Variants in MT1E observed in about 807,000 individuals in gnomAD.
The protein encoded by MT1E is metallothionein-1E.
Under a neutral mutation model 2.4 loss-of-function variants are expected in MT1E, and 1 was observed. That is an observed-to-expected ratio of 0.41 (90% CI 0.15 to 1.97). The LOEUF (loss-of-function observed/expected upper bound fraction) is 1.97, where lower values mean the gene tolerates loss of function less well. Ranked by LOEUF, MT1E falls within the 30% of genes most tolerant of loss-of-function variation. The probability of loss-of-function intolerance (pLI) is 0.30; values close to 1 mark genes in which losing one functional copy is unlikely to be tolerated. For missense variants in MT1E, 145 were observed against 149.6 expected (o/e 0.97, Z 0.16); for synonymous variants, 78 against 63.0 (o/e 1.24, Z -1.13).
At chr16:56,626,242 T>A (rs1418926073) in intron 1 of MT1E, among the ~76,000 whole-genome samples, 4 of 152,052 alleles carry the variant, frequency 2.6e-5, no homozygotes, top group Non-Finnish European at 4.4e-5. Flanking sequence ...TATTCCTGGG[T>A]TGTATGTGCA....
rs1184005306 is a variant in MT1E at position 56,626,570 on chromosome 16, C to T, written c.133C>T (p.Leu45Phe). The change falls in exon 2 of 2, where the codon CTC (leucine) becomes TTC (phenylalanine). Residue 45 changes from leucine to phenylalanine, a missense_variant. Physicochemically the swap from Leu to Phe is conservative, Grantham distance 22. Transcript: ENST00000330439. ...CATCTCCAGGAATCTGGGGCTGTGG[C>T]TCAGGTTGGGAGGGAACTCAAGGCT... ...GAISRNLGLWLRLGGNSRLAL... is the reference protein window; with the variant it reads ...GAISRNLGLWFRLGGNSRLAL... 4.3e-6 allele frequency: 7 copies of T among 1,614,216 alleles called. No homozygotes were observed. The highest frequency in any genetic ancestry group is 1.3e-5 in the African/African-American group (1 of 75,054).
At chr16:56,625,928 A>G (rs745515706) in intron 1 of MT1E, 49 bp downstream of exon 1, 2 of 1,611,652 alleles carry the variant, frequency 1.2e-6, no homozygotes, top group Non-Finnish European at 1.7e-6. Flanking sequence ...GCCCTATTAC[A>G]GAGGGTCTCT....
rs1960223884 is a variant in MT1E, at chr16:56,627,070, A to G, written c.*249A>G. Reference sequence around the variant, plus strand: ...TGAGCCATTTGCTGCATTTCTTTTTATACTAAATATGTGACTGACAATAAA... The same window carrying G: ...TGAGCCATTTGCTGCATTTCTTTTTGTACTAAATATGTGACTGACAATAAA... On this transcript the variant is annotated 3_prime_UTR_variant, in exon 2 of 2. Coordinates refer to ENST00000330439, the MANE Select transcript of MT1E (RefSeq NM_001363555.2). 1.4e-6 allele frequency: 2 copies of G among 1,452,856 alleles called. No individual in the cohort carries two copies. Among genetic ancestry groups the G allele is most frequent in the Non-Finnish European group, 9.4e-7 (1 of 1,063,370 alleles). 90.0% of individuals were successfully genotyped at this position (1,452,856 alleles called of 1,614,324 possible). A position where few individuals can be genotyped will look rare whatever the true frequency, so the allele number is the denominator to read the frequency against.
chr16:56,626,096 A>G (rs931376416), intron 1 of MT1E, among the ~76,000 whole-genome samples: 1 of 152,086 alleles, frequency 6.6e-6, no homozygotes, highest in Non-Finnish European at 1.5e-5. Flanking sequence ...ACTGCTCCAC[A>G]TCACCCAGTT....
At chr16:56,626,028 A>G in intron 1 of MT1E, 149 bp downstream of exon 1, 2 of 944,854 alleles carry the variant, frequency 2.1e-6, no homozygotes. Flanking sequence ...CCCTGAGAGC[A>G]TTGCCCTCAT....
In MT1E at chr16:56,626,726, A is replaced by G; in HGVS notation, c.289A>G (p.Asn97Asp). ...ATTTTTCTCGTGGGACACAAACCCC[A>G]ACTGTACCCCCTATGGTTTCAGAAC... ...TAFFSWDTNP[N>D]CTPYGFRTEL... Residue 97 changes from asparagine (N) to aspartate (D), a missense_variant, in exon 2 of 2, where the codon AAC (asparagine) becomes GAC (aspartate). By Grantham distance (23) the Asn-to-Asp change is conservative. Coordinates refer to ENST00000330439, the MANE Select transcript of MT1E (RefSeq NM_001363555.2). The G allele has an allele frequency of 6.3e-7, 1 of 1,599,270 alleles. No homozygotes were observed. Among genetic ancestry groups the G allele is most frequent in the Non-Finnish European group, 8.5e-7 (1 of 1,173,130 alleles).
intron 1 of MT1E, 77 bp from the exon 2 acceptor site, chr16:56,626,389 C>T: frequency 1.2e-6 from 2 of 1,604,624 alleles, no homozygotes; most frequent in Non-Finnish European, 1.7e-6. Flanking sequence ...GAGGAGGGGG[C>T]ACTGGAGACT....
chr16:56,626,012 T>G, intron 1 of MT1E, 133 bp downstream of exon 1: 2 of 1,080,018 alleles, frequency 1.9e-6, no homozygotes, highest in South Asian at 1.3e-5. Context: ...TTCTTCCTGA[T>G]CACGCCCCTG....
chr16:56,625,991 C>A, intron 1 of MT1E, 112 bp downstream of exon 1: 2 of 1,236,372 alleles, frequency 1.6e-6, no homozygotes, highest in Non-Finnish European at 2.4e-6. Context: ...TCCAGTACTT[C>A]GTTAGATGCT....
rs568584689 is a variant in MT1E, at chr16:56,626,610, C to T, written c.173C>T (p.Ser58Phe). The T allele has an allele frequency of 2.6e-5, 42 of 1,614,034 alleles. No homozygotes were observed. In the South Asian group the frequency reaches 4.3e-4, roughly 16 times the overall value. Residue 58 changes from serine (S) to phenylalanine (F), a missense_variant, in exon 2 of 2, where the codon TCC becomes TTC. By Grantham distance (155) the Ser-to-Phe change is radical (BLOSUM62 -2). Coordinates refer to ENST00000330439, the MANE Select transcript of MT1E (RefSeq NM_001363555.2). ...AACTCAAGGCTGGCCCTGAGTGCAT[C>T]CTTCTGGGGAACTGGGCTTTCTTTG... ...GGNSRLALSA[S>F]FWGTGLSLPS...
chr16:56,625,992 G>C lies in MT1E; in HGVS notation c.28+113G>C. 4 of 1,237,106 alleles carry C rather than the reference G, an allele frequency of 3.2e-6. No individual in the cohort carries two copies. In the South Asian group the frequency reaches 3.7e-5, roughly 11 times the overall value. 76.6% of individuals were successfully genotyped at this position (1,237,106 alleles called of 1,614,324 possible). A position where few individuals can be genotyped will look rare whatever the true frequency, so the allele number is the denominator to read the frequency against. ...TGAGCGACGGGGACTCCAGTACTTC[G>C]TTAGATGCTTTCTTCCTGATCACGC... On this transcript the variant is annotated intron_variant, in intron 1 of 1. Coordinates refer to ENST00000330439, the MANE Select transcript of MT1E (RefSeq NM_001363555.2).
In MT1E at chr16:56,627,020, C is replaced by T; in HGVS notation, c.*199C>T. 6.2e-7 allele frequency: 1 copy of T among 1,603,480 alleles called. No individual in the cohort carries two copies. Among genetic ancestry groups the T allele is most frequent in the Non-Finnish European group, 8.5e-7 (1 of 1,174,520 alleles). On this transcript the variant is annotated 3_prime_UTR_variant, in exon 2 of 2. Transcript: ENST00000330439. ...ATGTAAATAGAACAACCTGCACAAC[C>T]TGGATTTTTTTAAAAATACAACACT...
rs775364609 is a variant in MT1E at position 56,626,656 on chromosome 16, C to T, written c.219C>T (p.Phe73=). ...CTTTGCCCTCATTGCCCGTGTCATT[C>T]CCTCTCCAGGCTTTCTGCCCTAAAT... The part of the protein sequence containing the change: ...GLSLPSLPVS[F]PLQAFCPKFR... Residue 73 remains phenylalanine (F), a synonymous_variant, in exon 2 of 2, where the codon TTC becomes TTT. Transcript: ENST00000330439. The T allele has an allele frequency of 3.1e-6, 5 of 1,604,056 alleles. No individual in the cohort carries two copies. Among genetic ancestry groups the T allele is most frequent in the Non-Finnish European group, 4.3e-6 (5 of 1,175,064 alleles).
In MT1E at chr16:56,626,699, G is replaced by A. The variant is rs1960214633; in HGVS notation, c.262G>A (p.Ala88Thr). The A allele has an allele frequency of 1.2e-5, 19 of 1,589,202 alleles. No individual in the cohort carries two copies. Among genetic ancestry groups the A allele is most frequent in the Non-Finnish European group, 1.6e-5 (19 of 1,167,810 alleles). The change falls in exon 2 of 2, where the codon GCA becomes ACA. Residue 88 changes from alanine (A) to threonine (T), a missense_variant. By Grantham distance (58) the Ala-to-Thr change is moderately conservative (BLOSUM62 0). Transcript: ENST00000330439. ...FCPKFRWGRT[A>T]FFSWDTNPNC... Reference sequence around the variant, plus strand: ...CCCTAAATTCAGATGGGGCAGGACAGCATTTTTCTCGTGGGACACAAACCC... The same window carrying A: ...CCCTAAATTCAGATGGGGCAGGACAACATTTTTCTCGTGGGACACAAACCC...
Position 56,627,050 on chromosome 16 carries a change from C to A in MT1E, c.*229C>A. 3 of 1,529,150 alleles carry A rather than the reference C, an allele frequency of 2.0e-6. No homozygotes were observed. Among genetic ancestry groups the A allele is most frequent in the Non-Finnish European group, 2.7e-6 (3 of 1,123,186 alleles). The allele number at this position is 1,529,150 out of a possible 1,614,324, so 94.7% of individuals were successfully genotyped here. On this transcript the variant is annotated 3_prime_UTR_variant, in exon 2 of 2. Transcript: ENST00000330439. ...TTTTTTTAAAAATACAACACTGAGC[C>A]ATTTGCTGCATTTCTTTTTATACTA...
chr16:56,626,543 G>A lies in MT1E; in HGVS notation c.106G>A (p.Ala36Thr), dbSNP rs1286754437. The A allele has an allele frequency of 1.2e-6, 2 of 1,614,258 alleles. No homozygotes were observed. The highest frequency in any genetic ancestry group is 1.7e-6 in the Non-Finnish European group (2 of 1,180,044). ...CTSCKKSECG[A>T]ISRNLGLWLR... ...CTCCTGCAAGAAGAGTGAGTGCGGG[G>A]CCATCTCCAGGAATCTGGGGCTGTG... is the stretch of plus-strand genomic sequence containing the variant. Residue 36 changes from alanine (A) to threonine (T), a missense_variant, in exon 2 of 2, where the codon GCC (alanine) becomes ACC (threonine). By Grantham distance (58) the Ala-to-Thr change is moderately conservative. Coordinates refer to ENST00000330439, the MANE Select transcript of MT1E (RefSeq NM_001363555.2).
At position 56,627,086 on chromosome 16, in the gene MT1E, T is replaced by C; in HGVS notation, c.*265T>C. On this transcript the variant is annotated 3_prime_UTR_variant, in exon 2 of 2. Coordinates refer to ENST00000330439, the MANE Select transcript of MT1E (RefSeq NM_001363555.2). Reference sequence around the variant, plus strand: ...TTTCTTTTTATACTAAATATGTGACTGACAATAAAAACAATTTTGACTTTA... The same window carrying C: ...TTTCTTTTTATACTAAATATGTGACCGACAATAAAAACAATTTTGACTTTA... The C allele has an allele frequency of 7.3e-7, 1 of 1,370,444 alleles. No homozygotes were observed. The highest frequency in any genetic ancestry group is 1.4e-5 in the South Asian group (1 of 71,246). The allele number at this position is 1,370,444 out of a possible 1,614,324, so 84.9% of individuals were successfully genotyped here.
rs1297774924 is a variant in MT1E, at chr16:56,626,777, A to T, written c.340A>T (p.Ile114Phe). Residue 114 changes from isoleucine (I) to phenylalanine (F), a missense_variant, in exon 2 of 2, where the codon ATC (isoleucine) becomes TTC (phenylalanine). Coordinates refer to ENST00000330439, the MANE Select transcript of MT1E (RefSeq NM_001363555.2). ...AGAGCTGTGCCAGACGAAAAAAAGC[A>T]TCCTCTGGGTCTGGGTTCTGAGCTC... ...RTELCQTKKS[I>F]LWVWVLSSSQ... 3 of 1,613,574 alleles carry T rather than the reference A, an allele frequency of 1.9e-6. No homozygotes were observed. The highest frequency in any genetic ancestry group is 2.5e-6 in the Non-Finnish European group (3 of 1,179,852).
intron 1 of MT1E, among the ~76,000 whole-genome samples, chr16:56,626,170 G>T (rs1460143058): frequency 6.6e-6 from 1 of 152,200 alleles, no homozygotes; most frequent in East Asian, 1.9e-4. Flanking sequence ...AGTGTGGTTG[G>T]GGGTGCTGGA....
Sources: allele counts gnomAD v4.1 joint callset (sites outside exome capture counted in the v4.1 genomes callset), GRCh38; gene constraint gnomAD v4.1.1; transcripts MANE v1.5; gene names NCBI Gene and HGNC (gene_info 2026-07-23, HGNC 2026-07-21).